Variants in FAM168A observed in about 807,000 individuals in gnomAD.
The protein encoded by FAM168A is protein FAM168A.
Under a neutral mutation model 28.5 loss-of-function variants are expected in FAM168A, and 3 were observed. That is an observed-to-expected ratio of 0.11 (90% CI 0.05 to 0.27). The LOEUF (loss-of-function observed/expected upper bound fraction) is 0.27. Ranked by LOEUF, FAM168A falls within the 10% of genes least tolerant of loss-of-function variation. FAM168A has a pLI of 1.00. For synonymous variants in FAM168A, 122 were observed against 124.2 expected (o/e 0.98, Z 0.12); for missense variants, 222 against 311.5 (o/e 0.71, Z 2.16).
At chr11:73,418,022 C>T (rs1486148900) in intron 4 of FAM168A, among the ~76,000 whole-genome samples, 1 of 152,086 alleles carries the variant, frequency 6.6e-6, no homozygotes, top group African/African-American at 2.4e-5. Flanking sequence ...GAAAATCCAC[C>T]TAAATAACTT....
intron 4 of FAM168A, among the ~76,000 whole-genome samples, chr11:73,414,627 A>C (rs552832078): frequency 6.6e-6 from 1 of 152,250 alleles, no homozygotes; most frequent in East Asian, 1.9e-4. Flanking sequence ...TACCTACTTC[A>C]TTGTGATAAA....
chr11:73,470,202 G>A (rs77706219), intron 1 of FAM168A, among the ~76,000 whole-genome samples: 8,566 of 152,130 alleles, frequency 0.056, 844 homozygotes, highest in African/African-American at 0.2. Flanking sequence ...GAGCCACCGC[G>A]CCTGGCCGAT....
At chr11:73,423,568 A>G (rs539508813) in intron 3 of FAM168A, among the ~76,000 whole-genome samples, 43 of 152,162 alleles carry the variant, frequency 2.8e-4, no homozygotes, top group Non-Finnish European at 5.4e-4. Flanking sequence ...GTTTTTGTCC[A>G]CACTGCTACC....
intron 2 of FAM168A, among the ~76,000 whole-genome samples, chr11:73,457,813 T>G (rs530308804): frequency 6.6e-6 from 1 of 151,730 alleles, no homozygotes; most frequent in Admixed American, 6.6e-5. Context: ...ACATATACTT[T>G]AGCATAATAA....
At chr11:73,544,350 G>A (rs905216993) in intron 1 of FAM168A, among the ~76,000 whole-genome samples, 4 of 152,078 alleles carry the variant, frequency 2.6e-5, no homozygotes, top group African/African-American at 7.2e-5. Context: ...ATGTGAAGTG[G>A]TACAGCCACT....
At chr11:73,580,743 A>C (rs985316301) in intron 1 of FAM168A, among the ~76,000 whole-genome samples, 1 of 152,208 alleles carries the variant, frequency 6.6e-6, no homozygotes, top group African/African-American at 2.4e-5. Context: ...TTTCCCTTCC[A>C]GTTTTGAGAG....
At chr11:73,592,402 A>C (rs936055370) in intron 1 of FAM168A, among the ~76,000 whole-genome samples, 5 of 152,274 alleles carry the variant, frequency 3.3e-5, no homozygotes, top group African/African-American at 1.2e-4. Context: ...AAAGATATGC[A>C]TAACTGTCCA....
chr11:73,585,871 CAAAAAA>C (rs11358691), intron 1 of FAM168A, among the ~76,000 whole-genome samples: 3 of 81,656 alleles, frequency 3.7e-5, no homozygotes, highest in African/African-American at 8.1e-5. Context: ...CCATCTCAAA[CAAAAAA>C]AAAAAAAAAA....
intron 2 of FAM168A, among the ~76,000 whole-genome samples, chr11:73,457,243 G>C (rs1164800802): frequency 6.6e-6 from 1 of 150,616 alleles, no homozygotes; most frequent in Admixed American, 6.6e-5. Flanking sequence ...TTTTAAATTA[G>C]CCAGGCACAG....
intron 1 of FAM168A, chr11:73,580,612 T>C: frequency 2.1e-6 from 1 of 474,354 alleles, no homozygotes; most frequent in Non-Finnish European, 4.0e-6. Flanking sequence ...ATGCAGAATT[T>C]TGTTTTACTT....
intron 2 of FAM168A, among the ~76,000 whole-genome samples, chr11:73,458,768 G>A (rs575014934): frequency 9.2e-5 from 14 of 152,100 alleles, no homozygotes; most frequent in African/African-American, 3.1e-4. Flanking sequence ...CTGCTACCAC[G>A]CCCGGCTAAT....
chr11:73,489,545 CT>C (rs1868101216), intron 1 of FAM168A, among the ~76,000 whole-genome samples: 1 of 142,284 alleles, frequency 7.0e-6, no homozygotes, highest in Non-Finnish European at 1.5e-5. Context: ...GTCTTTTGCT[CT>C]TTTGCCCAGG....
At chr11:73,433,619 A>T (rs758899124) in intron 2 of FAM168A, among the ~76,000 whole-genome samples, 2 of 152,142 alleles carry the variant, frequency 1.3e-5, no homozygotes, top group Non-Finnish European at 2.9e-5. Context: ...TAACATTATA[A>T]ACAATTCCTC....
intron 2 of FAM168A, among the ~76,000 whole-genome samples, chr11:73,458,134 T>C (rs1487539594): frequency 6.6e-6 from 1 of 152,334 alleles, no homozygotes; most frequent in Non-Finnish European, 1.5e-5. Flanking sequence ...AAGAAGTACA[T>C]AATTTCTGCC....
At chr11:73,582,223 T>G (rs1466967852) in intron 1 of FAM168A, among the ~76,000 whole-genome samples, 1 of 151,938 alleles carries the variant, frequency 6.6e-6, no homozygotes, top group Admixed American at 6.5e-5. Context: ...GAATCCTAAT[T>G]AAAATTGCCT....
intron 1 of FAM168A, among the ~76,000 whole-genome samples, chr11:73,513,332 C>G (rs1470380863): frequency 6.6e-6 from 1 of 150,850 alleles, no homozygotes; most frequent in Non-Finnish European, 1.5e-5. Flanking sequence ...GCCTCAGCCT[C>G]CCGAGTAGCT....
At position 73,401,080 on chromosome 11, in the gene FAM168A, T is replaced by TTTATTATTATTATTATTA. The variant is rs34089809; in HGVS notation, c.*5665_*5682dup. 71 of 146,584 alleles carry TTTATTATTATTATTATTA rather than the reference T, an allele frequency of 4.8e-4. No individual in the cohort carries two copies. Among genetic ancestry groups the TTTATTATTATTATTATTA allele is most frequent in the African/African-American group, 1.6e-3 (66 of 40,280 alleles). The allele number at this position is 146,584 out of a possible 1,614,324, so 9.1% of individuals were successfully genotyped here. A position where few individuals can be genotyped will look rare whatever the true frequency, so the allele number is the denominator to read the frequency against. On this transcript the variant is annotated 3_prime_UTR_variant, in exon 8 of 8. Coordinates refer to ENST00000356467, the MANE Select transcript of FAM168A (RefSeq NM_015159.3). ...CTACTTGGAAGACACTGGTCAAAGG[T>TTTATTATTATTATTATTA]TTATTATTATTATTATTATTATTAT...
At chr11:73,583,774 C>T (rs1439580650) in intron 1 of FAM168A, among the ~76,000 whole-genome samples, 3 of 152,150 alleles carry the variant, frequency 2.0e-5, no homozygotes, top group Non-Finnish European at 4.4e-5. Context: ...TTCAGGAGTA[C>T]TGGAGGTAAA....
At chr11:73,539,255 TTTTA>T (rs1037526575) in intron 1 of FAM168A, among the ~76,000 whole-genome samples, 3 of 151,266 alleles carry the variant, frequency 2.0e-5, no homozygotes, top group African/African-American at 7.4e-5. Flanking sequence ...GACTCTTTAT[TTTTA>T]TTTATTTATT....
Sources: gnomAD v4.1 joint callset for allele counts (sites outside exome capture counted in the v4.1 genomes callset) on GRCh38, gnomAD v4.1.1 for gene constraint, MANE v1.5 for transcripts, NCBI Gene and HGNC (gene_info 2026-07-23, HGNC 2026-07-21) for gene names.